Variants in RNF121 observed in about 807,000 individuals in gnomAD.
RNF121 encodes the protein E3 ubiquitin ligase RNF121.
RNF121 carries 21 observed loss-of-function variants against 46.5 expected under a neutral mutation model. The observed-to-expected ratio is 0.45, with a 90% CI of 0.32 to 0.65. The LOEUF is 0.65. Among genes scored for constraint, RNF121 ranks in the 30% least tolerant of loss-of-function variants. The pLI is 0.04. For missense variants in RNF121, 346 were observed against 416.0 expected (o/e 0.83, Z 1.46); for synonymous variants, 139 against 144.7 (o/e 0.96, Z 0.28).
At chr11:71,957,400 ATC>A (rs1383344891) in intron 2 of RNF121, 136 bp downstream of exon 2, 1 of 734,140 alleles carries the variant, frequency 1.4e-6, no homozygotes, top group African/African-American at 1.7e-5. Flanking sequence ...GTCTTTTGGG[ATC>A]TCTCTAAGTA....
In RNF121 at chr11:71,990,731, G is replaced by A; in HGVS notation, c.627+14G>A. On this transcript the variant is annotated intron_variant, in intron 6 of 8. Coordinates refer to ENST00000361756, the MANE Select transcript of RNF121 (RefSeq NM_018320.5). ...TCTACCATAGGGGTAAGTTCATCCG[G>A]GTTCTTAAATACTGCTTCTTGACAC... is the stretch of plus-strand genomic sequence containing the variant. 1 of 1,612,170 alleles carries A rather than the reference G, an allele frequency of 6.2e-7. No homozygotes were observed. Among genetic ancestry groups the A allele is most frequent in the Non-Finnish European group, 8.5e-7 (1 of 1,179,456 alleles).
chr11:71,957,364 G>T, intron 2 of RNF121, 100 bp downstream of exon 2: 1 of 812,396 alleles, frequency 1.2e-6, no homozygotes, highest in East Asian at 2.4e-5. Context: ...TCAGTAGGAG[G>T]CAGTGGCTCA....
chr11:71,954,496 T>G (rs1273704693), intron 1 of RNF121, among the ~76,000 whole-genome samples: 1 of 152,222 alleles, frequency 6.6e-6, no homozygotes, highest in Non-Finnish European at 1.5e-5. Context: ...CTCTGGCCTC[T>G]TCTAGTAGTT....
At position 71,996,541 on chromosome 11, in the gene RNF121, T is replaced by C; in HGVS notation, c.*226T>C. On this transcript the variant is annotated 3_prime_UTR_variant, in exon 9 of 9. Coordinates refer to ENST00000361756, the MANE Select transcript of RNF121 (RefSeq NM_018320.5). Reference sequence around the variant, plus strand: ...AAAGAAAACTATTTTGATGAATATATTTAAAAAACCTTTTTTTATTGTGGA... The same window carrying C: ...AAAGAAAACTATTTTGATGAATATACTTAAAAAACCTTTTTTTATTGTGGA... The C allele has an allele frequency of 2.0e-6, 1 of 489,956 alleles. No homozygotes were observed. The highest frequency in any genetic ancestry group is 3.6e-6 in the Non-Finnish European group (1 of 278,832). The allele number at this position is 489,956 out of a possible 1,614,324, so 30.4% of individuals were successfully genotyped here.
chr11:71,961,517 C>T (rs896515980), intron 3 of RNF121, among the ~76,000 whole-genome samples: 2 of 151,924 alleles, frequency 1.3e-5, no homozygotes, highest in East Asian at 1.9e-4. Flanking sequence ...GAGTCGTGAT[C>T]GTGCCATTGC....
chr11:71,943,831 AG>A (rs1380592127), intron 1 of RNF121, among the ~76,000 whole-genome samples: 6 of 152,200 alleles, frequency 3.9e-5, no homozygotes, highest in Non-Finnish European at 7.3e-5. Flanking sequence ...AGCATGTGCA[AG>A]GTGGGAGGTG....
chr11:71,960,734 T>C lies in RNF121; in HGVS notation c.102-16T>C. 1.2e-6 allele frequency: 2 copies of C among 1,610,280 alleles called. No individual in the cohort carries two copies. Among genetic ancestry groups the C allele is most frequent in the East Asian group, 2.2e-5 (1 of 44,812 alleles). The stretch of plus-strand genomic sequence containing the variant: ...AGCATCCCTGACTTGATTCACCCCA[T>C]GTGTTTGGCTTTCAGGGTCGAGCAC... On this transcript the variant is annotated splice_polypyrimidine_tract_variant and intron_variant, in intron 2 of 8. Transcript: ENST00000361756.
chr11:71,985,072 C>CA (rs1954746754), intron 4 of RNF121, among the ~76,000 whole-genome samples: 10 of 152,246 alleles, frequency 6.6e-5, no homozygotes, highest in African/African-American at 2.2e-4. Flanking sequence ...CAGGCATGCT[C>CA]CACCTTGTCT....
chr11:71,968,453 C>T (rs951596557), intron 3 of RNF121, among the ~76,000 whole-genome samples: 4 of 152,154 alleles, frequency 2.6e-5, no homozygotes, highest in Admixed American at 6.5e-5. Flanking sequence ...TATCCTGGTT[C>T]TTATAAAGTT....
intron 1 of RNF121, among the ~76,000 whole-genome samples, chr11:71,934,548 A>G (rs1440092215): frequency 1.3e-5 from 2 of 152,180 alleles, no homozygotes; most frequent in African/African-American, 2.4e-5. Flanking sequence ...TTCTCTCCCT[A>G]TAGACATTTA....
chr11:71,934,529 C>G (rs1405744553), intron 1 of RNF121, among the ~76,000 whole-genome samples: 1 of 152,188 alleles, frequency 6.6e-6, no homozygotes, highest in Non-Finnish European at 1.5e-5. Flanking sequence ...TTTGTTCTTT[C>G]TCCTGTGGTT....
intron 3 of RNF121, among the ~76,000 whole-genome samples, chr11:71,964,449 ACTT>A (rs1590792991): frequency 7.7e-6 from 1 of 130,528 alleles, no homozygotes; most frequent in Non-Finnish European, 1.6e-5. Context: ...GTAGAGTTTC[ACTT>A]CTTCTTTTCC....
intron 1 of RNF121, among the ~76,000 whole-genome samples, chr11:71,942,217 A>G (rs771621898): frequency 9.9e-5 from 15 of 151,906 alleles, no homozygotes; most frequent in Non-Finnish European, 1.8e-4. Flanking sequence ...ACAGGCATGA[A>G]CCACCGTGCC....
intron 1 of RNF121, among the ~76,000 whole-genome samples, chr11:71,941,007 C>T (rs913762750): frequency 2.6e-5 from 4 of 152,182 alleles, no homozygotes; most frequent in Non-Finnish European, 5.9e-5. Context: ...TTCTGTATGA[C>T]TGGAATTTAG....
intron 4 of RNF121, among the ~76,000 whole-genome samples, chr11:71,986,290 C>T (rs192217544): frequency 7.2e-5 from 11 of 152,324 alleles, no homozygotes; most frequent in African/African-American, 1.9e-4. Flanking sequence ...ACCTCTGATT[C>T]ATCTCTTGAA....
At chr11:71,967,732 C>A (rs1214516696) in intron 3 of RNF121, among the ~76,000 whole-genome samples, 1 of 152,038 alleles carries the variant, frequency 6.6e-6, no homozygotes, top group Non-Finnish European at 1.5e-5. Flanking sequence ...TAATAATTAT[C>A]TTTTACTGCT....
intron 3 of RNF121, among the ~76,000 whole-genome samples, chr11:71,969,645 C>G (rs1051808059): frequency 6.6e-6 from 1 of 152,146 alleles, no homozygotes; most frequent in African/African-American, 2.4e-5. Context: ...TCACTGCAGC[C>G]TCAACCTCCT....
intron 3 of RNF121, among the ~76,000 whole-genome samples, chr11:71,964,521 T>C (rs1008005082): frequency 6.6e-6 from 1 of 152,094 alleles, no homozygotes; most frequent in Non-Finnish European, 1.5e-5. Context: ...CATACTGGAA[T>C]GCAGTGGTGC....
At chr11:71,937,171 C>G (rs1470524647) in intron 1 of RNF121, among the ~76,000 whole-genome samples, 1 of 152,228 alleles carries the variant, frequency 6.6e-6, no homozygotes, top group Non-Finnish European at 1.5e-5. Flanking sequence ...TCCGTCAGCA[C>G]TTACCATGTC....
Sources: gnomAD v4.1 joint callset for allele counts (sites outside exome capture counted in the v4.1 genomes callset) on GRCh38, gnomAD v4.1.1 for gene constraint, MANE v1.5 for transcripts, NCBI Gene and HGNC (gene_info 2026-07-23, HGNC 2026-07-21) for gene names.